The following CLEC3B variants were observed in gnomAD, a reference collection of about 807,000 sequenced individuals.
CLEC3B encodes tetranectin.
In CLEC3B, 13 loss-of-function variants were observed where a neutral mutation model predicts 15.4. The observed-to-expected ratio is 0.84, with a 90% CI of 0.55 to 1.34. CLEC3B has a LOEUF of 1.34. Among genes scored for constraint, CLEC3B ranks in the 40% most tolerant of loss-of-function variants. CLEC3B has a pLI of 0.00. For synonymous variants in CLEC3B, 112 were observed against 114.7 expected (o/e 0.98, Z 0.15); for missense variants, 242 against 268.6 (o/e 0.90, Z 0.69).
intron 1 of CLEC3B, among the ~76,000 whole-genome samples, chr3:45,026,912 G>T (rs1697492364): frequency 6.6e-6 from 1 of 152,148 alleles, no homozygotes; most frequent in African/African-American, 2.4e-5. Context: ...AATATATAAA[G>T]GCACCTCACT....
At position 45,030,124 on chromosome 3, in the gene CLEC3B, G is replaced by A. The variant is rs138355159; in HGVS notation, c.110-703G>A. 3.2e-5 allele frequency: 31 copies of A among 975,984 alleles called. No individual in the cohort carries two copies. In the East Asian group the frequency reaches 3.5e-3, roughly 111 times the overall value. The allele number at this position is 975,984 out of a possible 1,614,324, so 60.5% of individuals were successfully genotyped here. ...TTATGAGCATCACATGGGGTGACAT[G>A]TAGAACGGCTTAGCCCAGAGCCTGG... On this transcript the variant is annotated intron_variant, in intron 1 of 2. Coordinates refer to ENST00000296130, the MANE Select transcript of CLEC3B (RefSeq NM_003278.3).
chr3:45,029,734 C>G (rs1020491920), intron 1 of CLEC3B, among the ~76,000 whole-genome samples: 4 of 152,210 alleles, frequency 2.6e-5, no homozygotes, highest in African/African-American at 9.7e-5. Context: ...TGCAGCCTTT[C>G]CTGAAGCCCT....
chr3:45,032,552 T>C (rs966164146), intron 2 of CLEC3B, among the ~76,000 whole-genome samples: 1 of 152,230 alleles, frequency 6.6e-6, no homozygotes, highest in Admixed American at 6.5e-5. Context: ...TAGTAAGCCC[T>C]GAGAACACAA....
intron 2 of CLEC3B, among the ~76,000 whole-genome samples, chr3:45,032,010 C>T (rs1271236796): frequency 6.6e-6 from 1 of 151,686 alleles, no homozygotes; most frequent in Admixed American, 6.6e-5. Flanking sequence ...CCCTTATTTT[C>T]CACCGAGAAG....
At chr3:45,030,282 C>T (rs1039515469) in intron 1 of CLEC3B, 1 of 944,764 alleles carries the variant, frequency 1.1e-6, no homozygotes, top group Non-Finnish European at 1.3e-6. Flanking sequence ...CTCCAGAGTC[C>T]TAGGAGGTGG....
At chr3:45,032,701 G>T (rs1486483987) in intron 2 of CLEC3B, among the ~76,000 whole-genome samples, 1 of 152,240 alleles carries the variant, frequency 6.6e-6, no homozygotes, top group Non-Finnish European at 1.5e-5. Context: ...TGGCATGGCA[G>T]GTAGGAAGAG....
In CLEC3B at chr3:45,028,363, C is replaced by T. The variant is rs7631473; in HGVS notation, c.109+1892C>T. 1.9e-3 allele frequency among the ~76,000 whole-genome samples: 293 copies of T among 152,320 alleles called. 5 individuals are homozygous for T. The highest frequency in any genetic ancestry group is 0.014 in the East Asian group (73 of 5,170). ...TTGAGGCCAGGAGTTCAAGACAAGT[C>T]TGGCCAACATGGTGAAACCCTGTCT... On this transcript the variant is annotated intron_variant, in intron 1 of 2. Transcript: ENST00000296130.
chr3:45,026,341 C>T lies in CLEC3B; in HGVS notation c.-22C>T. 6.2e-7 allele frequency: 1 copy of T among 1,601,246 alleles called. No homozygotes were observed. The highest frequency in any genetic ancestry group is 8.5e-7 in the Non-Finnish European group (1 of 1,170,196). On this transcript the variant is annotated 5_prime_UTR_variant, in exon 1 of 3. Coordinates refer to ENST00000296130, the MANE Select transcript of CLEC3B (RefSeq NM_003278.3). ...GACCCAGACCCGCTGCAGGCAGCAG[C>T]AGCCCCCGCCCGCGCAGCAGCATGG...
At chr3:45,030,779 T>G in intron 1 of CLEC3B, 48 bp from the exon 2 acceptor site, 1 of 1,349,482 alleles carries the variant, frequency 7.4e-7, no homozygotes, top group Non-Finnish European at 1.0e-6. Context: ...GGTAGGATCC[T>G]TCCTGCTCAG....
chr3:45,026,894 T>G lies in CLEC3B; in HGVS notation c.109+423T>G, dbSNP rs1420046671. 2.0e-5 allele frequency among the ~76,000 whole-genome samples: 3 copies of G among 152,322 alleles called. No individual in the cohort carries two copies. The East Asian group carries it at 5.8e-4, about 29-fold the overall frequency. ...TCAAAGACTTCTCATGAAGATTTTA[T>G]GATACAAAATATATAAAGGCACCTC... On this transcript the variant is annotated intron_variant, in intron 1 of 2. Coordinates refer to ENST00000296130, the MANE Select transcript of CLEC3B (RefSeq NM_003278.3).
rs748351681 is a variant in CLEC3B at position 45,026,346 on chromosome 3, C to T, written c.-17C>T. ...AGACCCGCTGCAGGCAGCAGCAGCC[C>T]CCGCCCGCGCAGCAGCATGGAGCTC... On this transcript the variant is annotated 5_prime_UTR_variant, in exon 1 of 3. Transcript: ENST00000296130. 12 of 1,608,988 alleles carry T rather than the reference C, an allele frequency of 7.5e-6. No homozygotes were observed. The African/African-American group carries it at 1.6e-4, about 22-fold the overall frequency.
At chr3:45,033,379 G>A (rs919843464) in intron 2 of CLEC3B, among the ~76,000 whole-genome samples, 7 of 152,284 alleles carry the variant, frequency 4.6e-5, no homozygotes, top group Non-Finnish European at 8.8e-5. Flanking sequence ...CCTGTTCATT[G>A]TCCTCACAAC....
chr3:45,030,752 C>A (rs1386610056), intron 1 of CLEC3B, 75 bp from the exon 2 acceptor site: 4 of 994,264 alleles, frequency 4.0e-6, no homozygotes, highest in Non-Finnish European at 6.1e-6. Flanking sequence ...CTTTTCCTCT[C>A]ATCCCTCTGC....
intron 1 of CLEC3B, chr3:45,030,151 C>T: frequency 2.0e-6 from 2 of 985,660 alleles, no homozygotes; most frequent in Non-Finnish European, 2.4e-6. Context: ...AGAGCCTGGC[C>T]TCCTCTGTAA....
rs1210819021 is a variant in CLEC3B, at chr3:45,030,803, CT to C, written c.110-23del. On this transcript the variant is annotated intron_variant, in intron 1 of 2. Coordinates refer to ENST00000296130, the MANE Select transcript of CLEC3B (RefSeq NM_003278.3). ...CTTCCTGCTCAGTCCCTGCCCCACC[CT>C]GACATATTTCCTCCTGCTTCAGATG... 1.2e-5 allele frequency: 18 copies of C among 1,539,314 alleles called. No homozygotes were observed. In the African/African-American group the frequency reaches 2.3e-4, roughly 20 times the overall value.
At chr3:45,030,749 T>C in intron 1 of CLEC3B, 78 bp from the exon 2 acceptor site, 1 of 968,862 alleles carries the variant, frequency 1.0e-6, no homozygotes, top group East Asian at 2.6e-5. Context: ...AGTCTTTTCC[T>C]CTCATCCCTC....
chr3:45,026,446 C>T lies in CLEC3B; in HGVS notation c.84C>T (p.Pro28=), dbSNP rs1449626891. The change falls in exon 1 of 3, where the codon CCC becomes CCT. Residue 28 remains proline (P), a synonymous_variant. Transcript: ENST00000296130. The stretch of plus-strand genomic sequence containing the variant: ...CCACCGAGCCACCAACCCAGAAGCC[C>T]AAGAAGATTGTAAATGCCAAGAAAG... ...QVTTEPPTQK[P]KKIVNAKKDV... is the part of the protein sequence containing the mutation. 1.2e-6 allele frequency: 2 copies of T among 1,614,050 alleles called. No individual in the cohort carries two copies. Among genetic ancestry groups the T allele is most frequent in the East Asian group, 4.5e-5 (2 of 44,888 alleles).
intron 1 of CLEC3B, among the ~76,000 whole-genome samples, chr3:45,028,206 A>G (rs4683027): frequency 0.47 from 71,786 of 151,714 alleles, 17,599 homozygotes; most frequent in East Asian, 0.84. Flanking sequence ...CTCTTAAGAC[A>G]TGAACCATGG....
Position 45,030,883 on chromosome 3 carries a change from C to A in CLEC3B, c.166C>A (p.Gln56Lys). The change falls in exon 2 of 3, where the codon CAG (glutamine) becomes AAG (lysine). Residue 56 changes from glutamine (Q) to lysine (K), a missense_variant. Physicochemically the swap from Gln to Lys is moderately conservative, Grantham distance 53 (BLOSUM62 1). Coordinates refer to ENST00000296130, the MANE Select transcript of CLEC3B (RefSeq NM_003278.3). Reference sequence around the variant, plus strand: ...CAAGAGCCGTCTGGACACCCTGGCCCAGGAGGTGGCCCTGCTGAAGGAGCA... The same window carrying A: ...CAAGAGCCGTCTGGACACCCTGGCCAAGGAGGTGGCCCTGCTGAAGGAGCA... ...ELKSRLDTLA[Q>K]EVALLKEQQA... 1 of 1,593,786 alleles carries A rather than the reference C, an allele frequency of 6.3e-7. No individual in the cohort carries two copies. Among genetic ancestry groups the A allele is most frequent in the Non-Finnish European group, 8.5e-7 (1 of 1,170,102 alleles).
Sources: gnomAD v4.1 joint callset for allele counts (sites outside exome capture counted in the v4.1 genomes callset) on GRCh38, gnomAD v4.1.1 for gene constraint, MANE v1.5 for transcripts, NCBI Gene and HGNC (gene_info 2026-07-23, HGNC 2026-07-21) for gene names.